The following KMT2C variants were observed in gnomAD, a reference collection of about 807,000 sequenced individuals.
KMT2C encodes the protein histone-lysine N-methyltransferase 2C.
KMT2C carries 88 observed loss-of-function variants against 507.9 expected under a neutral mutation model. The observed-to-expected ratio is 0.17, with a 90% CI of 0.15 to 0.21. The LOEUF (loss-of-function observed/expected upper bound fraction) is 0.21. KMT2C is among the 10% of genes least tolerant of loss of function. The pLI is 1.00. For synonymous variants in KMT2C, 2,049 were observed against 2,080.8 expected (o/e 0.98, Z 0.42); for missense variants, 4,954 against 5,957.8 (o/e 0.83, Z 5.55).
rs772141315 is a variant in KMT2C at position 152,181,696 on chromosome 7, T to A, written c.6164A>T (p.Asp2055Val). ...TPMQPPPSSQ[D>V]PYGSVSQASR... Reference sequence around the variant, plus strand: ...TGCCTGTGACACTGATCCATAAGGATCCTGAGAGGATGGAGGAGGTTGCAT... The same window carrying A: ...TGCCTGTGACACTGATCCATAAGGAACCTGAGAGGATGGAGGAGGTTGCAT... The change falls in exon 36 of 59, where the codon GAT (aspartate) becomes GTT (valine). Residue 2055 changes from aspartate (D) to valine (V), a missense_variant. Around this residue, in one of 29 missense-constraint regions of KMT2C, gnomAD observed 1,689 missense variants for 1,654.3 expected, o/e 1.02. Transcript: ENST00000262189. 1.2e-5 allele frequency: 20 copies of A among 1,613,954 alleles called. No homozygotes were observed. The highest frequency in any genetic ancestry group is 1.5e-5 in the Non-Finnish European group (18 of 1,180,028).
chr7:152,253,487 C>T (rs2095594703), intron 9 of KMT2C, among the ~76,000 whole-genome samples: 1 of 68,924 alleles, frequency 1.5e-5, no homozygotes, highest in Admixed American at 2.5e-4. Flanking sequence ...CCAATCTGGG[C>T]AAGAAGGCAA....
rs2093670010 is a variant in KMT2C at position 152,187,797 on chromosome 7, G to C, written c.4711C>G (p.His1571Asp). The C allele has an allele frequency of 6.2e-7, 1 of 1,614,002 alleles. No individual in the cohort carries two copies. Among genetic ancestry groups the C allele is most frequent in the Non-Finnish European group, 8.5e-7 (1 of 1,179,886 alleles). Reference protein sequence around the residue: ...LMNGLIGSSPHLPHNSLPPGS... With the variant: ...LMNGLIGSSPDLPHNSLPPGS... ...GGTGGCAAAGAATTATGTGGGAGAT[G>C]AGGACTGGATCCAATAAGGCCATTC... Residue 1571 changes from histidine to aspartate, a missense_variant, in exon 32 of 59, where the codon CAT (histidine) becomes GAT (aspartate). His to Asp is a moderately conservative substitution (Grantham distance 81). This residue lies in a region of KMT2C where 195 missense variants were observed against 183.7 expected (regional missense o/e 1.06). Transcript: ENST00000262189.
intron 40 of KMT2C, among the ~76,000 whole-genome samples, chr7:152,170,049 T>G (rs1434886574): frequency 1.3e-5 from 2 of 152,202 alleles, no homozygotes; most frequent in Non-Finnish European, 2.9e-5. Context: ...AATTATAAAC[T>G]TATACTAGCA....
intron 6 of KMT2C, among the ~76,000 whole-genome samples, chr7:152,298,779 T>C (rs1479362574): frequency 2.0e-5 from 3 of 152,164 alleles, no homozygotes; most frequent in Admixed American, 6.5e-5. Context: ...AGATATATGT[T>C]TAATAAAAGA....
chr7:152,139,971 A>G (rs1255023777), intron 55 of KMT2C, among the ~76,000 whole-genome samples, 180 bp from the exon 56 acceptor site: 1 of 152,224 alleles, frequency 6.6e-6, no homozygotes, highest in Non-Finnish European at 1.5e-5. Flanking sequence ...TTTACTACTT[A>G]AAACTATGCC....
At chr7:152,410,554 G>C (rs543548793) in intron 1 of KMT2C, among the ~76,000 whole-genome samples, 106 of 152,146 alleles carry the variant, frequency 7.0e-4, no homozygotes, top group Non-Finnish European at 1.4e-3. Flanking sequence ...CTCCAGCCTG[G>C]GCGACAGAGC....
intron 53 of KMT2C, among the ~76,000 whole-genome samples, 158 bp downstream of exon 53, chr7:152,146,441 C>T (rs922440699): frequency 1.3e-5 from 2 of 152,198 alleles, no homozygotes; most frequent in East Asian, 1.9e-4. Flanking sequence ...TGAGCTCTCC[C>T]GATTAATCAC....
intron 2 of KMT2C, among the ~76,000 whole-genome samples, chr7:152,352,527 AC>A (rs2097122085): frequency 6.6e-6 from 1 of 152,108 alleles, no homozygotes; most frequent in South Asian, 2.1e-4. Flanking sequence ...CACGGAACCT[AC>A]CAACATGTGA....
At chr7:152,217,999 G>T (rs1427321324) in intron 23 of KMT2C, among the ~76,000 whole-genome samples, 1 of 152,036 alleles carries the variant, frequency 6.6e-6, no homozygotes, top group Non-Finnish European at 1.5e-5. Flanking sequence ...CTAAGTATAT[G>T]GACTACTTCT....
chr7:152,340,997 T>C (rs1429849808), intron 2 of KMT2C, among the ~76,000 whole-genome samples: 1 of 152,268 alleles, frequency 6.6e-6, no homozygotes, highest in Non-Finnish European at 1.5e-5. Context: ...AACTTTTAAA[T>C]GTTAATGGAA....
intron 40 of KMT2C, among the ~76,000 whole-genome samples, chr7:152,169,749 C>G (rs1254780762): frequency 6.6e-6 from 1 of 152,150 alleles, no homozygotes; most frequent in Non-Finnish European, 1.5e-5. Context: ...TCTACACACG[C>G]CTGTAGTCCC....
chr7:152,247,258 T>C (rs1273874272), intron 14 of KMT2C, among the ~76,000 whole-genome samples: 1 of 152,118 alleles, frequency 6.6e-6, no homozygotes, highest in Non-Finnish European at 1.5e-5. Flanking sequence ...TAAAAAGAAA[T>C]GGAACTCATT....
In KMT2C at chr7:152,252,542, T is replaced by C. The variant is rs748771709; in HGVS notation, c.1469+4A>G. The C allele has an allele frequency of 1.9e-6, 3 of 1,608,544 alleles. No individual in the cohort carries two copies. In the African/African-American group the frequency reaches 4.0e-5, roughly 21 times the overall value. Reference sequence around the variant, plus strand: ...ACAACTGAATAGAATAACTATCTTCTTACCTTTTGCACATATTACAATGAA... The same window carrying C: ...ACAACTGAATAGAATAACTATCTTCCTACCTTTTGCACATATTACAATGAA... On this transcript the variant is annotated splice_donor_region_variant and intron_variant, in intron 10 of 58. Transcript: ENST00000262189.
chr7:152,290,220 A>ATATGTGTG lies in KMT2C; in HGVS notation c.850-16354_850-16353insCACACATA, dbSNP rs1554617001. On this transcript the variant is annotated intron_variant, in intron 6 of 58. Coordinates refer to ENST00000262189, the MANE Select transcript of KMT2C (RefSeq NM_170606.3). The stretch of plus-strand genomic sequence containing the variant: ...GTAGTCTAATAAATTTTATATATAT[A>ATATGTGTG]TGTGTGTGTGTGTGTGTGTGTGTGT... Among the ~76,000 whole-genome samples, 582 of 86,200 alleles carry ATATGTGTG rather than the reference A, an allele frequency of 6.8e-3. 19 individuals are homozygous for ATATGTGTG. Among genetic ancestry groups the ATATGTGTG allele is most frequent in the African/African-American group, 0.027 (558 of 21,002 alleles). 56.6% of individuals were successfully genotyped at this position (86,200 alleles called of 152,430 possible). A position where few individuals can be genotyped will look rare whatever the true frequency, so the allele number is the denominator to read the frequency against.
intron 26 of KMT2C, 110 bp from the exon 27 acceptor site, chr7:152,199,569 T>A: frequency 1.7e-6 from 1 of 580,466 alleles, no homozygotes; most frequent in Non-Finnish European, 2.8e-6. Context: ...AAGGTTTATA[T>A]TTAACAATAT....
Position 152,155,940 on chromosome 7 carries a change from G to A in KMT2C, c.11930C>T (p.Thr3977Ile). The A allele has an allele frequency of 6.2e-7, 1 of 1,608,614 alleles. No individual in the cohort carries two copies. Among genetic ancestry groups the A allele is most frequent in the Non-Finnish European group, 8.5e-7 (1 of 1,178,868 alleles). ...TTCTTCCTGATTGTTATGAGGTGGT[G>A]TTGGGAGGGAGGCTGGCACATCAAC... Reference protein sequence around the residue: ...KTVDVPASLPTPPHNNQEELR... With the variant: ...KTVDVPASLPIPPHNNQEELR... Residue 3977 changes from threonine to isoleucine, a missense_variant, in exon 46 of 59, where the codon ACA becomes ATA. Around this residue, in one of 29 missense-constraint regions of KMT2C, gnomAD observed 104 missense variants for 134.3 expected, o/e 0.77. Coordinates refer to ENST00000262189, the MANE Select transcript of KMT2C (RefSeq NM_170606.3).
chr7:152,400,646 G>A (rs2116604692), intron 1 of KMT2C, among the ~76,000 whole-genome samples: 1 of 152,290 alleles, frequency 6.6e-6, no homozygotes, highest in East Asian at 1.9e-4. Context: ...AACTGTAAGG[G>A]CTAATGAGGA....
chr7:152,431,392 A>T (rs972820463), intron 1 of KMT2C, among the ~76,000 whole-genome samples: 16 of 151,972 alleles, frequency 1.1e-4, no homozygotes, highest in African/African-American at 3.9e-4. Context: ...AGGTCAAGAG[A>T]TTGAGACCAT....
chr7:152,136,779 G>A lies in KMT2C; in HGVS notation c.*53C>T. On this transcript the variant is annotated 3_prime_UTR_variant, in exon 59 of 59. Coordinates refer to ENST00000262189, the MANE Select transcript of KMT2C (RefSeq NM_170606.3). ...GTCTGCAAAATTCCAATGGTGTGTT[G>A]AATCGCCTCTTCCTAGGGACAAGCC... 8.0e-7 allele frequency: 1 copy of A among 1,243,646 alleles called. No homozygotes were observed. The highest frequency in any genetic ancestry group is 1.2e-6 in the Non-Finnish European group (1 of 844,488). 77.0% of individuals were successfully genotyped at this position (1,243,646 alleles called of 1,614,324 possible). A position where few individuals can be genotyped will look rare whatever the true frequency, so the allele number is the denominator to read the frequency against.
Sources: gnomAD v4.1 joint callset for allele counts (sites outside exome capture counted in the v4.1 genomes callset) on GRCh38, gnomAD v4.1.1 for gene constraint, gnomAD v4.1.1 regional missense constraint, MANE v1.5 for transcripts, NCBI Gene and HGNC (gene_info 2026-07-23, HGNC 2026-07-21) for gene names.